Variants in ATXN7 observed in about 807,000 individuals in gnomAD.
ATXN7 encodes ataxin 7, also known as ataxin-7.
ATXN7 carries 12 observed loss-of-function variants against 70.5 expected under a neutral mutation model. That is an observed-to-expected ratio of 0.17 (90% CI 0.11 to 0.28). ATXN7 has a LOEUF of 0.28. ATXN7 is among the 10% of genes least tolerant of loss of function. ATXN7 has a pLI of 1.00. For missense variants in ATXN7, 1,256 were observed against 1,131.7 expected (o/e 1.11, Z -1.58); for synonymous variants, 498 against 448.7 (o/e 1.11, Z -1.39).
chr3:63,922,290 C>T (rs1387131860), intron 4 of ATXN7, among the ~76,000 whole-genome samples: 1 of 152,108 alleles, frequency 6.6e-6, no homozygotes, highest in Non-Finnish European at 1.5e-5. Flanking sequence ...AATCCTCCCA[C>T]CTCAGCCTCC....
chr3:63,900,016 T>G (rs993383457), intron 2 of ATXN7, among the ~76,000 whole-genome samples: 3 of 152,138 alleles, frequency 2.0e-5, no homozygotes, highest in African/African-American at 7.2e-5. Context: ...CTCAAGAGCT[T>G]GAGGCGGCAG....
chr3:63,982,580 T>A, intron 7 of ATXN7, 135 bp downstream of exon 7: 1 of 810,462 alleles, frequency 1.2e-6, no homozygotes, highest in Non-Finnish European at 1.9e-6. Context: ...AGTTCCTTAG[T>A]TAATATGTTT....
At chr3:63,923,941 T>C (rs998968395) in intron 4 of ATXN7, among the ~76,000 whole-genome samples, 4 of 151,874 alleles carry the variant, frequency 2.6e-5, no homozygotes, top group African/African-American at 4.8e-5. Context: ...GTAATGAAAG[T>C]TGGGGGGATA....
At chr3:63,896,929 A>G (rs563860411) in intron 1 of ATXN7, among the ~76,000 whole-genome samples, 1 of 152,306 alleles carries the variant, frequency 6.6e-6, no homozygotes, top group African/African-American at 2.4e-5. Flanking sequence ...AAATTGAAAA[A>G]TGGCTTGACC....
At chr3:63,863,565 G>T, upstream of ATXN7, 1 of 1,195,746 alleles carries the variant, frequency 8.4e-7, no homozygotes, top group Non-Finnish European at 1.0e-6. Context: ...TCCGAGGGGC[G>T]CTCGGGCTCT....
At chr3:63,896,202 A>G (rs532583654) in intron 1 of ATXN7, among the ~76,000 whole-genome samples, 21 of 143,492 alleles carry the variant, frequency 1.5e-4, no homozygotes, top group Non-Finnish European at 7.8e-5. Context: ...CCTCCCCCTT[A>G]AAAAAAAAAG....
At chr3:63,935,062 T>C (rs2074633746) in intron 4 of ATXN7, among the ~76,000 whole-genome samples, 1 of 152,186 alleles carries the variant, frequency 6.6e-6, no homozygotes, top group African/African-American at 2.4e-5. Context: ...CAGTGCCTGG[T>C]ATGTAGAAAT....
At chr3:63,893,563 A>G (rs1559622475) in intron 1 of ATXN7, among the ~76,000 whole-genome samples, 1 of 152,172 alleles carries the variant, frequency 6.6e-6, no homozygotes. Flanking sequence ...GCTGTTAGAA[A>G]ATGGAGGCTC....
intron 4 of ATXN7, among the ~76,000 whole-genome samples, chr3:63,934,069 A>G (rs186999592): frequency 1.3e-5 from 2 of 152,312 alleles, no homozygotes; most frequent in Admixed American, 6.5e-5. Flanking sequence ...TGTTTTTAGA[A>G]TCATCAATTG....
intron 4 of ATXN7, among the ~76,000 whole-genome samples, chr3:63,924,038 G>T (rs942967330): frequency 6.6e-6 from 1 of 152,166 alleles, no homozygotes; most frequent in Non-Finnish European, 1.5e-5. Context: ...TGGCTGACCA[G>T]GTTAGAGGTA....
chr3:64,002,871 A>T lies in ATXN7; in HGVS notation c.*3404A>T, dbSNP rs1042308233. The T allele has an allele frequency of 1.6e-4, 25 of 152,170 alleles. No homozygotes were observed. The highest frequency in any genetic ancestry group is 3.5e-4 in the Non-Finnish European group (24 of 68,030). The allele number at this position is 152,170 out of a possible 1,614,324, so 9.4% of individuals were successfully genotyped here. A position where few individuals can be genotyped will look rare whatever the true frequency, so the allele number is the denominator to read the frequency against. ...GTGTCCGTTTTGTTATTCACTCATG[A>T]AATACAATTTAAAATATTTAAAATA... On this transcript the variant is annotated 3_prime_UTR_variant, in exon 13 of 13. Transcript: ENST00000674280.
In ATXN7 at chr3:63,999,614, G is replaced by A. The variant is rs2075813434; in HGVS notation, c.*147G>A. ...AAGGGTAGAAACCTGCCGGGCTGTT[G>A]TTTTAACGAGGATTTCCCTGAAGCT... On this transcript the variant is annotated 3_prime_UTR_variant, in exon 13 of 13. Transcript: ENST00000674280. The A allele has an allele frequency of 4.2e-6, 6 of 1,417,862 alleles. No homozygotes were observed. In the East Asian group the frequency reaches 1.2e-4, roughly 29 times the overall value. 87.8% of individuals were successfully genotyped at this position (1,417,862 alleles called of 1,614,324 possible). A position where few individuals can be genotyped will look rare whatever the true frequency, so the allele number is the denominator to read the frequency against.
chr3:63,975,841 C>G (rs1368454837), intron 5 of ATXN7, among the ~76,000 whole-genome samples: 2 of 152,142 alleles, frequency 1.3e-5, no homozygotes, highest in African/African-American at 4.8e-5. Flanking sequence ...CTCTGTCTCC[C>G]TCTCTTCTCC....
chr3:63,871,864 T>A (rs952693600), intron 1 of ATXN7, among the ~76,000 whole-genome samples: 22 of 149,784 alleles, frequency 1.5e-4, no homozygotes, highest in South Asian at 6.3e-4. Context: ...TTTTTAAATT[T>A]AAAAAAAAAA....
At chr3:63,973,593 G>A (rs932205899) in intron 5 of ATXN7, among the ~76,000 whole-genome samples, 4 of 152,090 alleles carry the variant, frequency 2.6e-5, no homozygotes, top group African/African-American at 9.7e-5. Context: ...GGCCTCCCTC[G>A]GCCACGCTGG....
intron 5 of ATXN7, 75 bp from the exon 6 acceptor site, chr3:63,979,840 C>T (rs2075456235): frequency 3.2e-6 from 5 of 1,581,614 alleles, no homozygotes; most frequent in African/African-American, 1.4e-5. Context: ...ATATTGATTT[C>T]AGGGAATTCT....
intron 5 of ATXN7, among the ~76,000 whole-genome samples, chr3:63,972,642 A>G (rs190132317): frequency 5.3e-4 from 81 of 152,340 alleles, no homozygotes; most frequent in Non-Finnish European, 1.1e-3. Flanking sequence ...AAAATGAGCC[A>G]GCCTTTTATT....
At chr3:63,957,493 A>G (rs558619727) in intron 5 of ATXN7, among the ~76,000 whole-genome samples, 3 of 152,358 alleles carry the variant, frequency 2.0e-5, no homozygotes, top group South Asian at 4.1e-4. Flanking sequence ...AAATAAATCA[A>G]TTTACAAGGA....
chr3:63,935,646 CCTGTGTT>C (rs1168972217), intron 4 of ATXN7, among the ~76,000 whole-genome samples: 1 of 152,112 alleles, frequency 6.6e-6, no homozygotes, highest in African/African-American at 2.4e-5. Flanking sequence ...TCTGCACTTT[CCTGTGTT>C]GTGTGATGAT....
Sources: gnomAD v4.1 joint callset for allele counts (sites outside exome capture counted in the v4.1 genomes callset) on GRCh38, gnomAD v4.1.1 for gene constraint, MANE v1.5 for transcripts, NCBI Gene and HGNC (gene_info 2026-07-23, HGNC 2026-07-21) for gene names.